Variants in HEATR6 observed in about 807,000 individuals in gnomAD.
The protein encoded by HEATR6 is HEAT repeat containing 6.
A neutral mutation model predicts 132.8 loss-of-function variants in HEATR6; 106 were observed. The observed-to-expected ratio is 0.80, with a 90% confidence interval of 0.68 to 0.94. The LOEUF is 0.94. HEATR6 is among the 40% of genes least tolerant of loss of function. HEATR6 has a pLI of 0.00. For synonymous variants in HEATR6, 529 were observed against 537.8 expected (o/e 0.98, Z 0.23); for missense variants, 1,339 against 1,425.1 (o/e 0.94, Z 0.97).
At chr17:60,055,349 G>A (rs1315666690) in intron 14 of HEATR6, among the ~76,000 whole-genome samples, 166 bp downstream of exon 14, 3 of 152,142 alleles carry the variant, frequency 2.0e-5, no homozygotes, top group Non-Finnish European at 2.9e-5. Context: ...AAACTGAAAT[G>A]TAAAATAAAA....
chr17:60,058,722 T>G (rs1437645758), intron 11 of HEATR6, among the ~76,000 whole-genome samples: 1 of 152,160 alleles, frequency 6.6e-6, no homozygotes, highest in Non-Finnish European at 1.5e-5. Context: ...GGGAGTGGGA[T>G]CCAGACCCTT....
intron 13 of HEATR6, 57 bp from the exon 14 acceptor site, chr17:60,055,658 T>A: frequency 8.2e-7 from 1 of 1,216,286 alleles, no homozygotes; most frequent in Non-Finnish European, 1.2e-6. Flanking sequence ...TGACTTCACT[T>A]GAGTAACACC....
chr17:60,069,843 G>T lies in HEATR6; in HGVS notation c.807C>A (p.Phe269Leu). Reference protein sequence around the residue: ...LGALLAVLKKFMFHGLPGLNI... With the variant: ...LGALLAVLKKLMFHGLPGLNI... ...TTAGTCCAGGGAGTCCGTGAAACAT[G>T]AATTTCTAATAATGATGAATAAGGA... The change falls in exon 7 of 20, where the codon TTC becomes TTA. Residue 269 changes from phenylalanine to leucine, a missense_variant. Physicochemically the swap from Phe to Leu is conservative, Grantham distance 22. Transcript: ENST00000184956. 1 of 1,613,364 alleles carries T rather than the reference G, an allele frequency of 6.2e-7. No individual in the cohort carries two copies. The highest frequency in any genetic ancestry group is 1.1e-5 in the South Asian group (1 of 90,912).
At chr17:60,054,443 C>A (rs535360054) in intron 14 of HEATR6, among the ~76,000 whole-genome samples, 1 of 152,302 alleles carries the variant, frequency 6.6e-6, no homozygotes, top group African/African-American at 2.4e-5. Flanking sequence ...CTGAGCACTG[C>A]CTAGTGGAAC....
At position 60,073,789 on chromosome 17, in the gene HEATR6, G is replaced by A; in HGVS notation, c.425C>T (p.Ala142Val). Reference sequence around the variant, plus strand: ...ATTGCAGTACACCAGAGCTGCCAGGGCTTGAAGAATTTCCCTGTGTGTCCA... The same window carrying A: ...ATTGCAGTACACCAGAGCTGCCAGGACTTGAAGAATTTCCCTGTGTGTCCA... ...SSWTHREILQ[A>V]LAALVYCNGS... The change falls in exon 3 of 20, where the codon GCC (alanine) becomes GTC (valine). Residue 142 changes from alanine to valine, a missense_variant. Transcript: ENST00000184956. The A allele has an allele frequency of 6.2e-7, 1 of 1,614,076 alleles. No individual in the cohort carries two copies. The highest frequency in any genetic ancestry group is 1.1e-5 in the South Asian group (1 of 91,084).
chr17:60,053,634 A>G (rs1418110080), intron 14 of HEATR6, among the ~76,000 whole-genome samples: 3 of 152,216 alleles, frequency 2.0e-5, no homozygotes, highest in Non-Finnish European at 2.9e-5. Flanking sequence ...GAGGTCTCAG[A>G]TAGAAATAAA....
chr17:60,053,345 G>T (rs996493857), intron 14 of HEATR6, among the ~76,000 whole-genome samples: 12 of 152,134 alleles, frequency 7.9e-5, no homozygotes, highest in African/African-American at 2.7e-4. Context: ...TGAGCCAGAC[G>T]AACCTCTTTG....
At chr17:60,066,076 A>G in intron 9 of HEATR6, 133 bp downstream of exon 9, 1 of 710,848 alleles carries the variant, frequency 1.4e-6, no homozygotes, top group Non-Finnish European at 2.4e-6. Flanking sequence ...CTGTCTGTCC[A>G]GTGGTCAAGT....
intron 9 of HEATR6, chr17:60,064,601 T>C (rs1209033826): frequency 1.3e-5 from 2 of 151,902 alleles, no homozygotes; most frequent in Non-Finnish European, 2.9e-5. Flanking sequence ...TTTTTTTTTT[T>C]CTCTAGGATT....
At chr17:60,044,254 T>C in intron 19 of HEATR6, 120 bp from the exon 20 acceptor site, 1 of 707,444 alleles carries the variant, frequency 1.4e-6, no homozygotes, top group Non-Finnish European at 2.3e-6. Context: ...ATGTGTTCAC[T>C]TCATTCTCAC....
At position 60,076,214 on chromosome 17, in the gene HEATR6, C is replaced by T. The variant is rs1418720960; in HGVS notation, c.243G>A (p.Gln81=). ...GATTAAGAGGTACCAGTCGGCAAGC[C>T]TGGACAAGAAGAGCACTAACGTCCT... ...APEDVSALLV[Q]ACRLVPLNQN... The change falls in exon 2 of 20, where the codon CAG becomes CAA. Residue 81 remains glutamine, a synonymous_variant. Transcript: ENST00000184956. 1 of 1,609,648 alleles carries T rather than the reference C, an allele frequency of 6.2e-7. No individual in the cohort carries two copies. Among genetic ancestry groups the T allele is most frequent in the Admixed American group, 1.7e-5 (1 of 59,938 alleles).
chr17:60,054,319 A>C (rs965472188), intron 14 of HEATR6, among the ~76,000 whole-genome samples: 2 of 152,254 alleles, frequency 1.3e-5, no homozygotes, highest in Non-Finnish European at 2.9e-5. Context: ...AGGATTCCCT[A>C]AGCCTGGGTG....
intron 4 of HEATR6, 41 bp downstream of exon 4, chr17:60,073,123 C>T (rs779224869): frequency 1.0e-5 from 12 of 1,197,846 alleles, no homozygotes; most frequent in South Asian, 8.5e-5. Context: ...AATAGAGGCA[C>T]TATCTTATTA....
At chr17:60,047,470 AAT>A in intron 17 of HEATR6, 65 bp from the exon 18 acceptor site, 1 of 841,404 alleles carries the variant, frequency 1.2e-6, no homozygotes, top group African/African-American at 1.7e-5. Context: ...TACATATAGA[AAT>A]ATATTCAATT....
Position 60,057,298 on chromosome 17 carries a change from C to T in HEATR6, c.1829G>A (p.Gly610Glu). The T allele has an allele frequency of 6.2e-7, 1 of 1,614,084 alleles. No individual in the cohort carries two copies. Among genetic ancestry groups the T allele is most frequent in the Non-Finnish European group, 8.5e-7 (1 of 1,180,002 alleles). ...GGTTGCTGAATTGCTATTACCGAGT[C>T]CAGAAGAACATGGCTGTTGCAGAAG... is the stretch of plus-strand genomic sequence containing the variant. ...QLLLQQPCSS[G>E]LGNSNSATPH... The change falls in exon 12 of 20, where the codon GGA becomes GAA. Residue 610 changes from glycine to glutamate, a missense_variant. Coordinates refer to ENST00000184956, the MANE Select transcript of HEATR6 (RefSeq NM_022070.5).
chr17:60,043,957 T>C lies in HEATR6; in HGVS notation c.3152A>G (p.Gln1051Arg). Residue 1051 changes from glutamine to arginine, a missense_variant, in exon 20 of 20, where the codon CAG becomes CGG. Coordinates refer to ENST00000184956, the MANE Select transcript of HEATR6 (RefSeq NM_022070.5). Reference sequence around the variant, plus strand: ...AAAGTCTATGGTGTCTTCACTCTTCTGTAAAGCGGTGACCAATGCATTCCA... The same window carrying C: ...AAAGTCTATGGTGTCTTCACTCTTCCGTAAAGCGGTGACCAATGCATTCCA... Reference protein sequence around the residue: ...RIWNALVTALQKSEDTIDFLE... With the variant: ...RIWNALVTALRKSEDTIDFLE... The C allele has an allele frequency of 6.2e-7, 1 of 1,614,144 alleles. No individual in the cohort carries two copies. The highest frequency in any genetic ancestry group is 8.5e-7 in the Non-Finnish European group (1 of 1,180,026).
chr17:60,056,988 G>A (rs1906763620), intron 12 of HEATR6, 60 bp downstream of exon 12: 1 of 1,316,282 alleles, frequency 7.6e-7, no homozygotes. Flanking sequence ...GCTCCTCACA[G>A]TCACTCTGAA....
rs115967004 is a variant in HEATR6, at chr17:60,072,315, G to A, written c.599C>T (p.Pro200Leu). 23 of 1,604,136 alleles carry A rather than the reference G, an allele frequency of 1.4e-5. No homozygotes were observed. In the East Asian group the frequency reaches 3.8e-4, roughly 26 times the overall value. ...ANLCLSVPGQ[P>L]YLEEPYQNVC... ...ATTTTGGTAGGGCTCCTCCAAATAC[G>A]GCTGTCCTGGCACACTAAACGCATA... is the stretch of plus-strand genomic sequence containing the variant. Residue 200 changes from proline to leucine, a missense_variant, in exon 5 of 20, where the codon CCG (proline) becomes CTG (leucine). Physicochemically the swap from Pro to Leu is moderately conservative, Grantham distance 98 (BLOSUM62 -3). Transcript: ENST00000184956.
intron 11 of HEATR6, among the ~76,000 whole-genome samples, chr17:60,059,100 T>A (rs1906850181): frequency 6.6e-6 from 1 of 152,178 alleles, no homozygotes; most frequent in Non-Finnish European, 1.5e-5. Context: ...TACCTATGTG[T>A]AAGGGATATA....
Sources: gnomAD v4.1 joint callset for allele counts (sites outside exome capture counted in the v4.1 genomes callset) on GRCh38, gnomAD v4.1.1 for gene constraint, MANE v1.5 for transcripts, NCBI Gene and HGNC (gene_info 2026-07-23, HGNC 2026-07-21) for gene names.